Variants in ACSS3 observed in about 807,000 individuals in gnomAD.
ACSS3 encodes the protein acyl-CoA synthetase short-chain family member 3, mitochondrial.
A neutral mutation model predicts 84.2 loss-of-function variants in ACSS3; 64 were observed. The observed-to-expected ratio is 0.76, with a 90% CI of 0.62 to 0.94. The LOEUF (loss-of-function observed/expected upper bound fraction) is 0.94, where lower values mean the gene tolerates loss of function less well. Among genes scored for constraint, ACSS3 ranks in the 40% least tolerant of loss-of-function variants. The pLI is 0.00. For synonymous variants in ACSS3, 317 were observed against 310.1 expected (o/e 1.02, Z -0.23); for missense variants, 815 against 867.6 (o/e 0.94, Z 0.76).
intron 1 of ACSS3, among the ~76,000 whole-genome samples, chr12:81,090,466 C>T (rs1424963623): frequency 6.6e-6 from 1 of 151,736 alleles, no homozygotes; most frequent in Admixed American, 6.6e-5. Flanking sequence ...TGCACAAAGC[C>T]TTCTGTATAT....
At chr12:81,182,628 C>G (rs1346701312) in intron 8 of ACSS3, among the ~76,000 whole-genome samples, 2 of 152,106 alleles carry the variant, frequency 1.3e-5, no homozygotes, top group Non-Finnish European at 2.9e-5. Context: ...GCATAAAAAT[C>G]TAGAGATTTT....
chr12:81,111,556 C>T (rs987960138), intron 2 of ACSS3, among the ~76,000 whole-genome samples: 1 of 152,176 alleles, frequency 6.6e-6, no homozygotes, highest in African/African-American at 2.4e-5. Flanking sequence ...CAAAGGGCCT[C>T]GATCCCAGAC....
chr12:81,078,993 G>A (rs942480949), intron 1 of ACSS3, among the ~76,000 whole-genome samples: 10 of 152,184 alleles, frequency 6.6e-5, no homozygotes, highest in Non-Finnish European at 1.3e-4. Context: ...GTGTTGGCTG[G>A]AGAGGTGGGA....
At chr12:81,239,363 T>C (rs2033720415) in intron 13 of ACSS3, among the ~76,000 whole-genome samples, 1 of 151,906 alleles carries the variant, frequency 6.6e-6, no homozygotes, top group South Asian at 2.1e-4. Flanking sequence ...GGAAAAAACA[T>C]AAATCAGATA....
rs767694781 is a variant in ACSS3 at position 81,174,770 on chromosome 12, A to G, written c.1099-18A>G. 6.2e-7 allele frequency: 1 copy of G among 1,606,956 alleles called. No homozygotes were observed. The highest frequency in any genetic ancestry group is 2.2e-5 in the East Asian group (1 of 44,786). On this transcript the variant is annotated intron_variant, in intron 7 of 15. Transcript: ENST00000548058. ...GACACATTTTATCCAGTGACATTTT[A>G]AATGAATCTCATTGTAGGGGAAGCC... is the stretch of plus-strand genomic sequence containing the variant.
At chr12:81,168,884 C>A (rs1023067897) in intron 7 of ACSS3, among the ~76,000 whole-genome samples, 1 of 152,148 alleles carries the variant, frequency 6.6e-6, no homozygotes, top group East Asian at 1.9e-4. Context: ...GGCAACCAGG[C>A]AGGTTGGTAT....
At chr12:81,174,467 G>C (rs1467823044) in intron 7 of ACSS3, 2 of 187,988 alleles carry the variant, frequency 1.1e-5, no homozygotes, top group Non-Finnish European at 1.1e-5. Context: ...ACCATATATA[G>C]TTTTTTTTGG....
chr12:81,134,178 A>G (rs1885669427), intron 2 of ACSS3, among the ~76,000 whole-genome samples: 1 of 152,104 alleles, frequency 6.6e-6, no homozygotes, highest in African/African-American at 2.4e-5. Flanking sequence ...AAGAGCAAAG[A>G]ATATGAGGTC....
chr12:81,196,259 T>C (rs1452779375), intron 8 of ACSS3, among the ~76,000 whole-genome samples: 1 of 152,142 alleles, frequency 6.6e-6, no homozygotes, highest in African/African-American at 2.4e-5. Context: ...CTCTCCCATA[T>C]GGTAGCCTCT....
intron 2 of ACSS3, among the ~76,000 whole-genome samples, chr12:81,116,436 T>A (rs547373142): frequency 1.2e-4 from 19 of 152,256 alleles, no homozygotes; most frequent in African/African-American, 3.8e-4. Context: ...ATCCCTTGAA[T>A]ATTCTCAGAC....
At position 81,260,511 on chromosome 12, in the gene ACSS3, A is replaced by G. The variant is rs2035066611; in HGVS notation, c.*5589A>G. The G allele has an allele frequency of 6.6e-6, 1 of 152,198 alleles. No individual in the cohort carries two copies. Among genetic ancestry groups the G allele is most frequent in the Non-Finnish European group, 1.5e-5 (1 of 68,024 alleles). 9.4% of individuals were successfully genotyped at this position (152,198 alleles called of 1,614,324 possible). Reference sequence around the variant, plus strand: ...TAAACAGTATTTTGGGAGACCTCTTATTTAGCCAAATTATTATATACTTTA... The same window carrying G: ...TAAACAGTATTTTGGGAGACCTCTTGTTTAGCCAAATTATTATATACTTTA... On this transcript the variant is annotated 3_prime_UTR_variant, in exon 16 of 16. Coordinates refer to ENST00000548058, the MANE Select transcript of ACSS3 (RefSeq NM_024560.4).
chr12:81,226,135 G>A (rs2033264583), intron 11 of ACSS3, among the ~76,000 whole-genome samples: 1 of 151,872 alleles, frequency 6.6e-6, no homozygotes, highest in African/African-American at 2.4e-5. Context: ...TGACAATCAT[G>A]AGAAAACTCA....
At chr12:81,104,958 G>C (rs1353452524) in intron 1 of ACSS3, 1 of 152,140 alleles carries the variant, frequency 6.6e-6, no homozygotes, top group African/African-American at 2.4e-5. Flanking sequence ...CTGGGCTTCA[G>C]CATAACCATC....
chr12:81,231,046 T>G lies in ACSS3; in HGVS notation c.1515-11T>G. On this transcript the variant is annotated splice_polypyrimidine_tract_variant and intron_variant, in intron 11 of 15. Coordinates refer to ENST00000548058, the MANE Select transcript of ACSS3 (RefSeq NM_024560.4). ...TTCATCATAATTTTAACTTCTCTGTTTTTATATAAGGTTACCATTGCCACC... is the reference window on the plus strand; with the variant it reads ...TTCATCATAATTTTAACTTCTCTGTGTTTATATAAGGTTACCATTGCCACC... 6.2e-7 allele frequency: 1 copy of G among 1,601,326 alleles called. No individual in the cohort carries two copies. Among genetic ancestry groups the G allele is most frequent in the Admixed American group, 1.7e-5 (1 of 58,690 alleles).
At chr12:81,137,728 C>G (rs1159049283) in intron 3 of ACSS3, among the ~76,000 whole-genome samples, 2 of 152,104 alleles carry the variant, frequency 1.3e-5, no homozygotes, top group South Asian at 2.1e-4. Context: ...ATATATGCTC[C>G]TAATTTGATA....
rs1164069557 is a variant in ACSS3, at chr12:81,253,592, C to G, written c.1917C>G (p.Val639=). 2.5e-6 allele frequency: 4 copies of G among 1,613,858 alleles called. No individual in the cohort carries two copies. The highest frequency in any genetic ancestry group is 1.7e-6 in the Non-Finnish European group (2 of 1,179,930). ...PVAAFRNAVF[V]KQLPKTRSGK... is the part of the protein sequence containing the mutation. ...CTGCTTTTCGAAATGCAGTGTTTGT[C>G]AAACAGCTACCCAAAACCAGATCTG... The change falls in exon 15 of 16, where the codon GTC becomes GTG. Residue 639 remains valine, a synonymous_variant. Coordinates refer to ENST00000548058, the MANE Select transcript of ACSS3 (RefSeq NM_024560.4).
At chr12:81,194,333 T>C (rs879739152) in intron 8 of ACSS3, among the ~76,000 whole-genome samples, 2 of 151,882 alleles carry the variant, frequency 1.3e-5, no homozygotes, top group Admixed American at 6.6e-5. Context: ...GTATTCTGTT[T>C]ATGTTCCTTA....
At chr12:81,198,279 G>T (rs2031931978) in intron 8 of ACSS3, among the ~76,000 whole-genome samples, 1 of 152,008 alleles carries the variant, frequency 6.6e-6, no homozygotes, top group African/African-American at 2.4e-5. Flanking sequence ...TGTTCCTAAA[G>T]AGCTCATAGT....
rs531603272 is a variant in ACSS3 at position 81,209,338 on chromosome 12, AG to A, written c.1355-7561del. Among the ~76,000 whole-genome samples, 287 of 152,018 alleles carry A rather than the reference AG, an allele frequency of 1.9e-3. 1 individual carries two copies. Among genetic ancestry groups the A allele is most frequent in the African/African-American group, 6.4e-3 (267 of 41,464 alleles). The stretch of plus-strand genomic sequence containing the variant: ...AGACTTGCACTAAATCTTTTTAAAA[AG>A]GTTATATAACATTTTTAATGGGAAA... On this transcript the variant is annotated intron_variant, in intron 9 of 15. Transcript: ENST00000548058.
Sources: gnomAD v4.1 joint callset for allele counts (sites outside exome capture counted in the v4.1 genomes callset) on GRCh38, gnomAD v4.1.1 for gene constraint, MANE v1.5 for transcripts, NCBI Gene and HGNC (gene_info 2026-07-23, HGNC 2026-07-21) for gene names.